XRN1: variants seen among roughly 807,000 people sequenced by gnomAD.
XRN1 encodes 5'-3' exoribonuclease 1, also known as strand-exchange protein 1 homolog.
XRN1 carries 67 observed loss-of-function variants against 222.3 expected under a neutral mutation model. The observed-to-expected ratio is 0.30, with a 90% CI of 0.25 to 0.37. XRN1 has a LOEUF of 0.37. Ranked by LOEUF, XRN1 falls within the 10% of genes least tolerant of loss-of-function variation. The pLI is 1.00. For missense variants in XRN1, 1,707 were observed against 2,000.2 expected (o/e 0.85, Z 2.80); for synonymous variants, 643 against 652.4 (o/e 0.99, Z 0.22).
At chr3:142,387,583 GT>G in intron 20 of XRN1, among the ~76,000 whole-genome samples, 1 of 152,128 alleles carries the variant, frequency 6.6e-6, no homozygotes, top group Non-Finnish European at 1.5e-5. Context: ...CTGTTTCCCA[GT>G]ACATACCAAA....
At chr3:142,390,480 C>T (rs910444151) in intron 20 of XRN1, among the ~76,000 whole-genome samples, 7 of 152,202 alleles carry the variant, frequency 4.6e-5, no homozygotes, top group African/African-American at 9.6e-5. Context: ...CATGAACCAA[C>T]CTCTGCTTAC....
intron 15 of XRN1, among the ~76,000 whole-genome samples, chr3:142,405,719 C>T (rs767142993): frequency 2.0e-5 from 3 of 151,780 alleles, no homozygotes; most frequent in Non-Finnish European, 2.9e-5. Context: ...AAATCTATGC[C>T]AAAACAGTCC....
intron 23 of XRN1, among the ~76,000 whole-genome samples, chr3:142,377,756 A>G (rs1416724529): frequency 6.6e-6 from 1 of 152,226 alleles, no homozygotes; most frequent in African/African-American, 2.4e-5. Context: ...AAACGTATGT[A>G]AAGAGAAAGA....
At position 142,308,991 on chromosome 3, in the gene XRN1, C is replaced by G. The variant is rs761568069; in HGVS notation, c.*2520G>C. ...GATATACTCTAAATTCCAGGTCTATCAACAGATTGTTTCCTCAACATGGGG... is the reference window on the plus strand; with the variant it reads ...GATATACTCTAAATTCCAGGTCTATGAACAGATTGTTTCCTCAACATGGGG... On this transcript the variant is annotated 3_prime_UTR_variant, in exon 41 of 41. Coordinates refer to ENST00000392981, the MANE Select transcript of XRN1 (RefSeq NM_001282857.2). 1 of 152,118 alleles carries G rather than the reference C, an allele frequency of 6.6e-6. No individual in the cohort carries two copies. Among genetic ancestry groups the G allele is most frequent in the African/African-American group, 2.4e-5 (1 of 41,424 alleles). The allele number at this position is 152,118 out of a possible 1,614,324, so 9.4% of individuals were successfully genotyped here.
At chr3:142,336,168 G>A (rs966945467) in intron 33 of XRN1, among the ~76,000 whole-genome samples, 2 of 151,976 alleles carry the variant, frequency 1.3e-5, no homozygotes, top group African/African-American at 2.4e-5. Context: ...AAGGAGATAG[G>A]AAAGGATGAA....
intron 35 of XRN1, 23 bp from the exon 36 acceptor site, chr3:142,332,557 G>C: frequency 6.3e-7 from 1 of 1,591,934 alleles, no homozygotes. Context: ...GATTCACATG[G>C]AGATGGTGAG....
At chr3:142,375,093 T>A (rs2067101887) in intron 25 of XRN1, among the ~76,000 whole-genome samples, 1 of 152,192 alleles carries the variant, frequency 6.6e-6, no homozygotes, top group African/African-American at 2.4e-5. Flanking sequence ...GGGACCATCA[T>A]TGTCCTGCAA....
intron 39 of XRN1, chr3:142,313,324 C>G (rs1220213943): frequency 8.2e-6 from 7 of 849,890 alleles, no homozygotes; most frequent in Non-Finnish European, 1.3e-5. Context: ...CCAATGGGTG[C>G]CAAATCTAAT....
At chr3:142,326,179 G>A (rs1164598242) in intron 37 of XRN1, among the ~76,000 whole-genome samples, 1 of 147,882 alleles carries the variant, frequency 6.8e-6, no homozygotes, top group Non-Finnish European at 1.5e-5. Context: ...TTCTATTTCT[G>A]TCAAGAATGT....
intron 20 of XRN1, among the ~76,000 whole-genome samples, chr3:142,395,590 C>T (rs1208711763): frequency 1.3e-5 from 2 of 152,210 alleles, no homozygotes; most frequent in Non-Finnish European, 2.9e-5. Context: ...TTGTCAATTT[C>T]TACTGTGTCT....
At chr3:142,328,704 T>C (rs1439522670) in intron 37 of XRN1, among the ~76,000 whole-genome samples, 1 of 1,512 alleles carries the variant, frequency 6.6e-4, no homozygotes, top group Non-Finnish European at 7.2e-3. Flanking sequence ...CTTGTAATAT[T>C]ATATATATAT....
At chr3:142,358,008 A>G (rs1353993779) in intron 30 of XRN1, among the ~76,000 whole-genome samples, 1 of 152,196 alleles carries the variant, frequency 6.6e-6, no homozygotes, top group Non-Finnish European at 1.5e-5. Flanking sequence ...ACTGCACTCC[A>G]GAATGGGCAA....
Position 142,329,493 on chromosome 3 carries a change from G to A in XRN1, c.4345C>T (p.Arg1449Ter). The change falls in exon 37 of 41, where the codon CGA (arginine) becomes TGA (stop). Residue 1449 changes from arginine (R) to a stop codon, truncating the protein, a stop_gained. Transcript: ENST00000392981. LOFTEE classifies it high-confidence loss of function. The part of the protein sequence containing the change: ...PVSTPVTELS[R>*]ICSLVGMPQP... ...GGCATTCCAACAAGGGAACAAATTCGAGAAAGTTCAGTTACTGGTGTGGAT... is the reference window on the plus strand; with the variant it reads ...GGCATTCCAACAAGGGAACAAATTCAAGAAAGTTCAGTTACTGGTGTGGAT... 1 of 1,595,506 alleles carries A rather than the reference G, an allele frequency of 6.3e-7. No homozygotes were observed. The highest frequency in any genetic ancestry group is 8.5e-7 in the Non-Finnish European group (1 of 1,173,468).
chr3:142,434,869 C>G (rs997377853), intron 1 of XRN1: 2 of 151,920 alleles, frequency 1.3e-5, no homozygotes, highest in African/African-American at 2.4e-5. Context: ...CTCCATCTTA[C>G]GCTAAAACAA....
chr3:142,446,457 C>A (rs1308290275), intron 1 of XRN1, among the ~76,000 whole-genome samples: 1 of 152,140 alleles, frequency 6.6e-6, no homozygotes, highest in Non-Finnish European at 1.5e-5. Context: ...CATAAAACTG[C>A]ATTAAAGAGA....
chr3:142,410,542 G>A (rs997978366), intron 15 of XRN1, among the ~76,000 whole-genome samples: 2 of 129,998 alleles, frequency 1.5e-5, no homozygotes, highest in South Asian at 2.5e-4. Flanking sequence ...TTGCCAGGCT[G>A]GAGTGCAGTG....
intron 36 of XRN1, 138 bp downstream of exon 36, chr3:142,332,237 C>T (rs1300294608): frequency 2.1e-5 from 16 of 752,776 alleles, no homozygotes; most frequent in Admixed American, 3.0e-5. Context: ...CTGGCCAACA[C>T]AGCAAGACAC....
intron 32 of XRN1, among the ~76,000 whole-genome samples, chr3:142,352,988 A>G (rs2066353875): frequency 6.6e-6 from 1 of 152,224 alleles, no homozygotes; most frequent in Non-Finnish European, 1.5e-5. Flanking sequence ...GTAACTAGCA[A>G]AACATGTAGT....
chr3:142,431,390 C>A (rs150049055), intron 2 of XRN1, among the ~76,000 whole-genome samples: 264 of 152,232 alleles, frequency 1.7e-3, no homozygotes, highest in African/African-American at 6.2e-3. Flanking sequence ...CCAGGTGACA[C>A]CAAAACCTGG....
Sources: gnomAD v4.1 joint callset for allele counts (sites outside exome capture counted in the v4.1 genomes callset) on GRCh38, gnomAD v4.1.1 for gene constraint, MANE v1.5 for transcripts, NCBI Gene and HGNC (gene_info 2026-07-23, HGNC 2026-07-21) for gene names.